MOBP: variants seen among roughly 807,000 people sequenced by gnomAD.
MOBP encodes myelin-associated oligodendrocyte basic protein.
MOBP carries 5 observed loss-of-function variants against 15.0 expected under a neutral mutation model. The observed-to-expected ratio is 0.33, with a 90% CI of 0.17 to 0.70. The LOEUF is 0.70. MOBP is among the 30% of genes least tolerant of loss of function. The pLI is 0.67. For missense variants in MOBP, 188 were observed against 257.8 expected (o/e 0.73, Z 1.85); for synonymous variants, 88 against 99.0 (o/e 0.89, Z 0.66).
intron 2 of MOBP, among the ~76,000 whole-genome samples, chr3:39,490,665 C>T (rs925275091): frequency 6.6e-5 from 10 of 152,128 alleles, no homozygotes; most frequent in Admixed American, 2.0e-4. Context: ...CGGGCTCAAG[C>T]GATTCTCATG....
chr3:39,512,734 C>G (rs1242196782), intron 4 of MOBP, among the ~76,000 whole-genome samples: 1 of 152,092 alleles, frequency 6.6e-6, no homozygotes, highest in Non-Finnish European at 1.5e-5. Context: ...GTTTTTTAAA[C>G]TAAGAACTTT....
intron 2 of MOBP, among the ~76,000 whole-genome samples, chr3:39,486,263 C>T (rs1046360340): frequency 1.4e-4 from 22 of 152,232 alleles, no homozygotes; most frequent in Non-Finnish European, 2.9e-4. Context: ...ATTTGCAAAA[C>T]GGGGCTATTA....
At chr3:39,526,280 AT>A (rs1575327814), downstream of MOBP, 10 of 152,160 alleles carry the variant, frequency 6.6e-5, no homozygotes, top group South Asian at 2.1e-3. Flanking sequence ...AAAAAGTTAG[AT>A]ATTAGCCCAG....
At chr3:39,500,083 G>GC in intron 2 of MOBP, 1 of 456,144 alleles carries the variant, frequency 2.2e-6, no homozygotes, top group Non-Finnish European at 4.4e-6. Context: ...CTCATTGTGA[G>GC]CAGGATGTTT....
chr3:39,474,865 T>A (rs1309842342), intron 1 of MOBP, among the ~76,000 whole-genome samples: 2 of 152,212 alleles, frequency 1.3e-5, no homozygotes, highest in East Asian at 3.8e-4. Context: ...TGCAAATACA[T>A]GCAGTGTGCC....
intron 1 of MOBP, among the ~76,000 whole-genome samples, chr3:39,476,364 C>T (rs2042545507): frequency 6.6e-6 from 1 of 152,156 alleles, no homozygotes; most frequent in Non-Finnish European, 1.5e-5. Flanking sequence ...GTTACTTCTT[C>T]TAAAGCTTCT....
intron 4 of MOBP, among the ~76,000 whole-genome samples, chr3:39,509,967 TATC>T (rs1038329424): frequency 5.9e-5 from 9 of 152,264 alleles, no homozygotes; most frequent in African/African-American, 2.2e-4. Context: ...TTTACAGTAT[TATC>T]CATTTTAAGT....
intron 3 of MOBP, chr3:39,524,111 A>G (rs2043300905): frequency 6.6e-6 from 1 of 152,242 alleles, no homozygotes. Flanking sequence ...CTCTTGGTCA[A>G]GGAGCAGTAT....
chr3:39,487,942 T>C (rs1053059240), intron 2 of MOBP, among the ~76,000 whole-genome samples: 1 of 152,224 alleles, frequency 6.6e-6, no homozygotes, highest in Non-Finnish European at 1.5e-5. Flanking sequence ...TGAACTCACT[T>C]TGGAAAAGTT....
intron 2 of MOBP, among the ~76,000 whole-genome samples, chr3:39,496,958 CGGCCT>C (rs1369406686): frequency 6.6e-6 from 1 of 152,098 alleles, no homozygotes; most frequent in East Asian, 1.9e-4. Flanking sequence ...CCACCTCGCC[CGGCCT>C]GGCTAATTTT....
At chr3:39,503,645 T>A, downstream of MOBP, among the ~76,000 whole-genome samples, 1 of 129,578 alleles carries the variant, frequency 7.7e-6, no homozygotes, top group East Asian at 2.2e-4. Context: ...AATACACACA[T>A]GCCTGGCCAA....
rs2042996609 is a variant in MOBP, at chr3:39,502,931, T to A, written c.*51T>A. On this transcript the variant is annotated 3_prime_UTR_variant, in exon 4 of 4. Coordinates refer to ENST00000684792, the MANE Select transcript of MOBP (RefSeq NM_001393704.1). This position sits in a 1 kb window ranked among gnomAD's most constrained non-coding sequence, Gnocchi z 6.3. The stretch of plus-strand genomic sequence containing the variant: ...AGCCCTAAGGTTAGTAGTTGCTTCC[T>A]GTGTTTACTAACACCGGGCTGTCTC... 3 of 832,316 alleles carry A rather than the reference T, an allele frequency of 3.6e-6. No homozygotes were observed. The highest frequency in any genetic ancestry group is 5.4e-5 in the East Asian group (2 of 37,208). 51.6% of individuals were successfully genotyped at this position (832,316 alleles called of 1,614,324 possible). A position where few individuals can be genotyped will look rare whatever the true frequency, so the allele number is the denominator to read the frequency against.
chr3:39,529,235 A>G (rs754560484), downstream of MOBP: 11 of 152,252 alleles, frequency 7.2e-5, no homozygotes, highest in Non-Finnish European at 1.6e-4. Flanking sequence ...TAAAGGGACA[A>G]TACTCCACAA....
intron 3 of MOBP, among the ~76,000 whole-genome samples, chr3:39,521,200 C>T (rs1489041968): frequency 1.3e-5 from 2 of 152,206 alleles, no homozygotes; most frequent in African/African-American, 4.8e-5. Context: ...ATCCTCCCGC[C>T]TCAGCCTCCC....
intron 2 of MOBP, among the ~76,000 whole-genome samples, chr3:39,501,700 A>G (rs2042972128): frequency 6.6e-6 from 1 of 152,012 alleles, no homozygotes; most frequent in Non-Finnish European, 1.5e-5. Flanking sequence ...TAAATTTTTT[A>G]TTTTGCTTTT....
chr3:39,467,838 A>G (rs2042365294), intron 1 of MOBP, 98 bp downstream of exon 1: 1 of 152,198 alleles, frequency 6.6e-6, no homozygotes, highest in Non-Finnish European at 1.5e-5. Context: ...ATTATATCCC[A>G]GGGAAAACTT....
At chr3:39,515,198 C>G (rs2043184993) in exon 5 of MOBP, 1 of 152,400 alleles carries the variant, frequency 6.6e-6, no homozygotes, top group African/African-American at 2.4e-5. Context: ...ACTGTATCCT[C>G]AGCAACGGCC....
Position 39,473,244 on chromosome 3 carries a change from G to C in MOBP, c.-89+5504G>C, listed in dbSNP as rs898883171. Among the ~76,000 whole-genome samples the C allele has an allele frequency of 2.0e-5, 3 of 152,160 alleles. No individual in the cohort carries two copies. The South Asian group carries it at 6.2e-4, about 32-fold the overall frequency. ...TACTTCTGATTTTATTTTTGTTCAG[G>C]TATGGTGAGGCCAACCAGATCAGGA... On this transcript the variant is annotated intron_variant, in intron 1 of 3. Transcript: ENST00000684792.
chr3:39,527,589 C>A (rs1237828544), downstream of MOBP: 1 of 151,998 alleles, frequency 6.6e-6, no homozygotes, highest in African/African-American at 2.4e-5. Context: ...TTCCGAGTAG[C>A]TGGGATTACA....
Sources: allele counts gnomAD v4.1 joint callset (sites outside exome capture counted in the v4.1 genomes callset), GRCh38; gene constraint gnomAD v4.1.1; non-coding constraint Gnocchi (gnomAD v3.1); transcripts MANE v1.5; gene names NCBI Gene and HGNC (gene_info 2026-07-23, HGNC 2026-07-21).